Variants in WNT8B observed in about 807,000 individuals in gnomAD.
The protein encoded by WNT8B is Wnt family member 8B.
WNT8B carries 24 observed loss-of-function variants against 36.6 expected under a neutral mutation model. That is an observed-to-expected ratio of 0.66 (90% confidence interval 0.48 to 0.92). WNT8B has a LOEUF of 0.92. Ranked by LOEUF, WNT8B falls within the 40% of genes least tolerant of loss-of-function variation. The pLI, the probability that WNT8B is intolerant of heterozygous loss-of-function variation, is 0.00. For synonymous variants in WNT8B, 199 were observed against 189.8 expected, an observed-to-expected ratio of 1.05 and a Z score of -0.40; for missense variants, 402 against 470.8, an observed-to-expected ratio of 0.85 and a Z score of 1.35.
intron 1 of WNT8B, among the ~76,000 whole-genome samples, chr10:100,467,533 C>T (rs1284933960): frequency 1.3e-5 from 2 of 152,172 alleles, no homozygotes; most frequent in Non-Finnish European, 2.9e-5. Flanking sequence ...ACTGCAATTA[C>T]CATTTGCTGC....
rs566269592 is a variant in WNT8B at position 100,477,550 on chromosome 10, T to C, written c.69-1502T>C. 4.6e-5 allele frequency among the ~76,000 whole-genome samples: 7 copies of C among 152,250 alleles called. No individual in the cohort carries two copies. In the East Asian group the frequency reaches 1.2e-3, roughly 25 times the overall value. On this transcript the variant is annotated intron_variant, in intron 1 of 5. Transcript: ENST00000343737. Reference sequence around the variant, plus strand: ...TCCTGACCTCATGATCTGCCTGCCTTGGCCTCCCAAAGTGCTAGGATTACA... The same window carrying C: ...TCCTGACCTCATGATCTGCCTGCCTCGGCCTCCCAAAGTGCTAGGATTACA...
chr10:100,468,866 C>T (rs1237604795), intron 1 of WNT8B, among the ~76,000 whole-genome samples: 1 of 152,080 alleles, frequency 6.6e-6, no homozygotes, highest in Non-Finnish European at 1.5e-5. Context: ...TGGCAAGGGC[C>T]GGATTTGCGA....
intron 1 of WNT8B, among the ~76,000 whole-genome samples, chr10:100,475,706 C>A (rs1234609449): frequency 2.0e-5 from 3 of 152,126 alleles, no homozygotes; most frequent in Non-Finnish European, 4.4e-5. Context: ...GGAACTAGCT[C>A]TGTCAGGCTT....
At chr10:100,463,278 G>A in intron 1 of WNT8B, 42 bp downstream of exon 1, 3 of 1,578,544 alleles carry the variant, frequency 1.9e-6, no homozygotes, top group Non-Finnish European at 2.6e-6. Flanking sequence ...GAATAGGTAA[G>A]TGTATGTAAT....
At chr10:100,481,888 T>C (rs1851117913) in intron 4 of WNT8B, 24 bp from the exon 5 acceptor site, 1 of 1,518,854 alleles carries the variant, frequency 6.6e-7, no homozygotes. Flanking sequence ...CTCAATGACC[T>C]GTCCTCCCTC....
In WNT8B at chr10:100,481,078, GATTTTGAT is replaced by G; in HGVS notation, c.324_331del (p.Asp108GlufsTer5). 1 of 1,614,148 alleles carries G rather than the reference GATTTTGAT, an allele frequency of 6.2e-7. No individual in the cohort carries two copies. Among genetic ancestry groups the G allele is most frequent in the Non-Finnish European group, 8.5e-7 (1 of 1,180,026 alleles). ...CCTGACTAGAAACTGCAGCCTTGGA[GATTTTGAT>G]AACTGTGGCTGTGATGACTCCCGCA... On this transcript the variant is annotated frameshift_variant, in exon 4 of 6. Coordinates refer to ENST00000343737, the MANE Select transcript of WNT8B (RefSeq NM_003393.4). LOFTEE classifies it high-confidence loss of function.
Position 100,475,209 on chromosome 10 carries a change from C to T in WNT8B, c.69-3843C>T, listed in dbSNP as rs182483246. ...GAGCCGAGATCATGCCACTGCACTC[C>T]AATCTGGGCAAGACAGAGCAAGACT... On this transcript the variant is annotated intron_variant, in intron 1 of 5. Transcript: ENST00000343737. Among the ~76,000 whole-genome samples the T allele has an allele frequency of 2.3e-4, 35 of 151,910 alleles. No individual in the cohort carries two copies. In the East Asian group the frequency reaches 6.2e-3, roughly 27 times the overall value.
chr10:100,482,525 C>T lies in WNT8B; in HGVS notation c.765C>T (p.Tyr255=), dbSNP rs776090784. The change falls in exon 6 of 6, where the codon TAC becomes TAT. Residue 255 remains tyrosine (Y), a synonymous_variant. Transcript: ENST00000343737. The surrounding 1 kb of genome is among the most constrained non-coding windows in gnomAD (Gnocchi z 6.6). ...ELVHLEDSPD[Y]CLENKTLGLL... is the part of the protein sequence containing the mutation. ...TGCACCTGGAGGACTCCCCGGACTA[C>T]TGCCTGGAGAACAAAACGCTAGGGC... 1.0e-5 allele frequency: 16 copies of T among 1,600,198 alleles called. No homozygotes were observed. The highest frequency in any genetic ancestry group is 1.6e-4 in the Middle Eastern group (1 of 6,070).
intron 1 of WNT8B, among the ~76,000 whole-genome samples, chr10:100,470,115 C>T (rs1165336942): frequency 6.6e-6 from 1 of 152,132 alleles, no homozygotes; most frequent in African/African-American, 2.4e-5. Flanking sequence ...TAAAGTAGAC[C>T]AAACTGAGCC....
At chr10:100,470,702 A>T (rs1216487677) in intron 1 of WNT8B, among the ~76,000 whole-genome samples, 1 of 152,196 alleles carries the variant, frequency 6.6e-6, no homozygotes, top group African/African-American at 2.4e-5. Flanking sequence ...CAAATTCTGC[A>T]GATTCATATT....
chr10:100,470,186 T>A (rs1215158754), intron 1 of WNT8B, among the ~76,000 whole-genome samples: 1 of 152,030 alleles, frequency 6.6e-6, no homozygotes, highest in East Asian at 1.9e-4. Context: ...GGCTGGAGTG[T>A]ACAATCTTGG....
intron 1 of WNT8B, among the ~76,000 whole-genome samples, chr10:100,463,798 C>T (rs1020300651): frequency 1.3e-5 from 2 of 151,936 alleles, no homozygotes; most frequent in Non-Finnish European, 2.9e-5. Context: ...CTAAACGTCT[C>T]GAGAAATTTA....
At chr10:100,463,799 G>A (rs1228345325) in intron 1 of WNT8B, among the ~76,000 whole-genome samples, 1 of 152,026 alleles carries the variant, frequency 6.6e-6, no homozygotes, top group Admixed American at 6.6e-5. Flanking sequence ...TAAACGTCTC[G>A]AGAAATTTAT....
At chr10:100,464,619 A>G (rs1455315814) in intron 1 of WNT8B, among the ~76,000 whole-genome samples, 1 of 152,170 alleles carries the variant, frequency 6.6e-6, no homozygotes, top group Non-Finnish European at 1.5e-5. Context: ...ACACAGCCAC[A>G]CTGAAAGGTG....
In WNT8B at chr10:100,482,453, C is replaced by A. The variant is rs1387917318; in HGVS notation, c.693C>A (p.Arg231=). ...LQGAGNSAAG[R]GAIADTFRSI... ...GTGCTGGCAACAGCGCGGCCGGCCGCGGCGCCATCGCCGACACCTTTCGCT... is the reference window on the plus strand; with the variant it reads ...GTGCTGGCAACAGCGCGGCCGGCCGAGGCGCCATCGCCGACACCTTTCGCT... The change falls in exon 6 of 6, where the codon CGC becomes CGA. Residue 231 remains arginine (R), a synonymous_variant. Transcript: ENST00000343737. The surrounding 1 kb of genome is among the most constrained non-coding windows in gnomAD (Gnocchi z 6.6). The A allele has an allele frequency of 6.2e-7, 1 of 1,604,570 alleles. No individual in the cohort carries two copies. The highest frequency in any genetic ancestry group is 8.5e-7 in the Non-Finnish European group (1 of 1,179,852).
At chr10:100,465,247 C>T (rs1180103617) in intron 1 of WNT8B, among the ~76,000 whole-genome samples, 1 of 152,098 alleles carries the variant, frequency 6.6e-6, no homozygotes, top group Non-Finnish European at 1.5e-5. Flanking sequence ...GTATTTGCCA[C>T]AGTTTTTTAT....
chr10:100,481,414 G>C (rs1851109130), intron 4 of WNT8B, among the ~76,000 whole-genome samples: 1 of 152,170 alleles, frequency 6.6e-6, no homozygotes, highest in Non-Finnish European at 1.5e-5. Flanking sequence ...TTCCTTCCGT[G>C]TTGCCTATCC....
intron 1 of WNT8B, among the ~76,000 whole-genome samples, chr10:100,473,115 T>C (rs1421278983): frequency 1.3e-5 from 2 of 152,178 alleles, no homozygotes; most frequent in African/African-American, 4.8e-5. Context: ...CTGGAGGGTA[T>C]ACAGAGATAA....
chr10:100,479,108 G>T, intron 2 of WNT8B, 23 bp downstream of exon 2: 1 of 1,588,560 alleles, frequency 6.3e-7, no homozygotes, highest in Admixed American at 1.8e-5. Context: ...TCCATTAATT[G>T]ATATGGATTT....
Sources: allele counts gnomAD v4.1 joint callset (sites outside exome capture counted in the v4.1 genomes callset), GRCh38; gene constraint gnomAD v4.1.1; non-coding constraint Gnocchi (gnomAD v3.1); transcripts MANE v1.5; gene names NCBI Gene and HGNC (gene_info 2026-07-23, HGNC 2026-07-21).